NYAP2: variants seen among roughly 807,000 people sequenced by gnomAD.
The protein encoded by NYAP2 is neuronal tyrosine-phosphorylated phosphoinositide-3-kinase adaptor 2, also known as neuronal tyrosine-phosphorylated phosphoinositide-3-kinase adapter 2.
NYAP2 carries 23 observed loss-of-function variants against 50.4 expected under a neutral mutation model. The observed-to-expected ratio is 0.46, with a 90% CI of 0.33 to 0.65. NYAP2 has a LOEUF of 0.65. Among genes scored for constraint, NYAP2 ranks in the 30% least tolerant of loss-of-function variants. The probability of loss-of-function intolerance (pLI) is 0.02; values close to 1 mark genes in which losing one functional copy is unlikely to be tolerated. For missense variants in NYAP2, 885 were observed against 861.0 expected, an observed-to-expected ratio of 1.03 and a Z score of -0.35; for synonymous variants, 394 against 365.2, an observed-to-expected ratio of 1.08 and a Z score of -0.90.
intron 4 of NYAP2, among the ~76,000 whole-genome samples, chr2:225,514,687 T>C (rs867097271): frequency 3.9e-5 from 6 of 152,050 alleles, no homozygotes; most frequent in African/African-American, 1.4e-4. Flanking sequence ...GCACAAACAT[T>C]CAGCTCATTG....
At chr2:225,452,091 G>C (rs1689663448) in intron 3 of NYAP2, among the ~76,000 whole-genome samples, 1 of 152,172 alleles carries the variant, frequency 6.6e-6, no homozygotes, top group Non-Finnish European at 1.5e-5. Context: ...TGTTCCAGTT[G>C]AGGGGAAGAT....
chr2:225,566,702 G>A (rs146673358), intron 4 of NYAP2, among the ~76,000 whole-genome samples: 406 of 152,310 alleles, frequency 2.7e-3, no homozygotes, highest in African/African-American at 9.1e-3. Flanking sequence ...AACTTGTAAA[G>A]AAAACTTGCT....
chr2:225,584,236 G>T (rs932084525), intron 5 of NYAP2, among the ~76,000 whole-genome samples: 6 of 152,000 alleles, frequency 3.9e-5, no homozygotes, highest in Non-Finnish European at 5.9e-5. Flanking sequence ...CCTTTTAAAA[G>T]CCATGGTGAT....
At chr2:225,643,122 G>A (rs12994235) in intron 6 of NYAP2, among the ~76,000 whole-genome samples, 30,756 of 151,880 alleles carry the variant, frequency 0.2, 3,364 homozygotes, top group East Asian at 0.42. Context: ...ATTTACTAGC[G>A]TCAAAGAATC....
chr2:225,552,042 A>G (rs1296732679), intron 4 of NYAP2, among the ~76,000 whole-genome samples: 3 of 152,076 alleles, frequency 2.0e-5, no homozygotes, highest in Non-Finnish European at 4.4e-5. Flanking sequence ...CGAACTCTTG[A>G]CCTCAAGTGT....
intron 4 of NYAP2, among the ~76,000 whole-genome samples, chr2:225,580,798 C>T (rs942787520): frequency 3.3e-5 from 5 of 152,014 alleles, no homozygotes; most frequent in Admixed American, 2.0e-4. Context: ...AGGTGTTTCC[C>T]GATTTGTGCC....
intron 3 of NYAP2, among the ~76,000 whole-genome samples, chr2:225,431,620 A>G (rs1298351059): frequency 6.6e-6 from 1 of 152,194 alleles, no homozygotes; most frequent in Non-Finnish European, 1.5e-5. Context: ...CATTGAATAA[A>G]TGTCTTCCTC....
chr2:225,545,150 A>G (rs1691550868), intron 4 of NYAP2, among the ~76,000 whole-genome samples: 2 of 152,084 alleles, frequency 1.3e-5, no homozygotes. Flanking sequence ...GTTCGCTTTT[A>G]AATGCCATGA....
chr2:225,701,269 G>C, the NYAP2 span: 1 of 151,694 alleles, frequency 6.6e-6, no homozygotes, highest in Admixed American at 6.6e-5. Flanking sequence ...ATATTAATTT[G>C]GTCAGAATAT....
chr2:225,563,042 G>A (rs1691901713), intron 4 of NYAP2, among the ~76,000 whole-genome samples: 1 of 152,106 alleles, frequency 6.6e-6, no homozygotes, highest in Non-Finnish European at 1.5e-5. Context: ...AATGAACAGT[G>A]TAAAAGTCTG....
chr2:225,431,717 G>T (rs893751511), intron 3 of NYAP2, among the ~76,000 whole-genome samples: 1 of 152,102 alleles, frequency 6.6e-6, no homozygotes, highest in Admixed American at 6.5e-5. Flanking sequence ...AATGTCATTA[G>T]CATGTTCCGG....
intron 3 of NYAP2, among the ~76,000 whole-genome samples, chr2:225,505,047 G>A: frequency 6.6e-6 from 1 of 151,190 alleles, no homozygotes; most frequent in Middle Eastern, 3.4e-3. Context: ...TTATCTTAAA[G>A]TATAATATCT....
chr2:225,405,926 T>G (rs1251482010), intron 2 of NYAP2, among the ~76,000 whole-genome samples: 1 of 151,986 alleles, frequency 6.6e-6, no homozygotes, highest in Non-Finnish European at 1.5e-5. Context: ...TGTACTCACC[T>G]TTGTTTCAAA....
At chr2:225,423,704 A>C (rs745642928) in intron 3 of NYAP2, among the ~76,000 whole-genome samples, 1 of 152,148 alleles carries the variant, frequency 6.6e-6, no homozygotes, top group East Asian at 1.9e-4. Flanking sequence ...ATAAAACCCT[A>C]TTTTAGTGAC....
chr2:225,512,884 CCTTCCTTCCTT>C (rs1690856620), intron 3 of NYAP2, among the ~76,000 whole-genome samples: 3 of 133,422 alleles, frequency 2.2e-5, no homozygotes, highest in Non-Finnish European at 4.7e-5. Context: ...TTCCTTCCTT[CCTTCCTTCCTT>C]CCTTTCCTTT....
At chr2:225,520,012 C>T (rs945762456) in intron 4 of NYAP2, among the ~76,000 whole-genome samples, 35 of 152,306 alleles carry the variant, frequency 2.3e-4, no homozygotes, top group Non-Finnish European at 3.8e-4. Context: ...TTGCATTTCT[C>T]TGATGGCCAG....
At chr2:225,422,449 A>C (rs1695230259) in intron 3 of NYAP2, among the ~76,000 whole-genome samples, 1 of 152,160 alleles carries the variant, frequency 6.6e-6, no homozygotes, top group Non-Finnish European at 1.5e-5. Flanking sequence ...ACTCATGACA[A>C]ATTTTTTTCA....
rs183806519 is a variant in NYAP2 at position 225,404,156 on chromosome 2, G to A, written c.-18+3113G>A. ...CGCAATTGATACCTTAATTTACAATGAGAATAGCCCACATAAATCTATAAT... is the reference window on the plus strand; with the variant it reads ...CGCAATTGATACCTTAATTTACAATAAGAATAGCCCACATAAATCTATAAT... On this transcript the variant is annotated intron_variant, in intron 2 of 6. Transcript: ENST00000636099. Among the ~76,000 whole-genome samples the A allele has an allele frequency of 6.7e-3, 1,018 of 152,000 alleles. 5 individuals are homozygous for A. Among genetic ancestry groups the A allele is most frequent in the Non-Finnish European group, 1.0e-2 (676 of 67,908 alleles).
At chr2:225,403,357 G>A (rs770310594) in intron 2 of NYAP2, among the ~76,000 whole-genome samples, 4 of 151,984 alleles carry the variant, frequency 2.6e-5, no homozygotes, top group Non-Finnish European at 4.4e-5. Flanking sequence ...CAAATGTGAA[G>A]TACAATAAAA....
Sources: allele counts gnomAD v4.1 joint callset (sites outside exome capture counted in the v4.1 genomes callset), GRCh38; gene constraint gnomAD v4.1.1; transcripts MANE v1.5; gene names NCBI Gene and HGNC (gene_info 2026-07-23, HGNC 2026-07-21).